The following ARHGAP26 variants were observed in gnomAD, a reference collection of about 807,000 sequenced individuals.
The protein encoded by ARHGAP26 is Rho GTPase activating protein 26.
ARHGAP26 carries 38 observed loss-of-function variants against 104.8 expected under a neutral mutation model. That is an observed-to-expected ratio of 0.36 (90% CI 0.28 to 0.48). ARHGAP26 has a LOEUF of 0.48. Ranked by LOEUF, ARHGAP26 falls within the 20% of genes least tolerant of loss-of-function variation. ARHGAP26 has a pLI of 0.99. For synonymous variants in ARHGAP26, 341 were observed against 340.0 expected (o/e 1.00, Z -0.03); for missense variants, 704 against 947.9 (o/e 0.74, Z 3.38).
chr5:143,137,853 T>G (rs1454383899), intron 19 of ARHGAP26, among the ~76,000 whole-genome samples: 1 of 152,238 alleles, frequency 6.6e-6, no homozygotes, highest in Non-Finnish European at 1.5e-5. Flanking sequence ...TGCAGTGTCC[T>G]TACTCTGTGC....
chr5:143,193,001 G>A (rs571392090), intron 20 of ARHGAP26, among the ~76,000 whole-genome samples: 2 of 152,122 alleles, frequency 1.3e-5, no homozygotes, highest in African/African-American at 4.8e-5. Context: ...GTTACTTATG[G>A]TCAATGACTG....
rs533706803 is a variant in ARHGAP26, at chr5:143,097,164, C to G, written c.1539-23824C>G. On this transcript the variant is annotated intron_variant, in intron 17 of 22. Coordinates refer to ENST00000645722, the MANE Select transcript of ARHGAP26 (RefSeq NM_001135608.3). ...GACCAGCCTGGCCGACATGGCGAAA[C>G]CCCGTCTCTACTAAAAATACAAAAA... is the stretch of plus-strand genomic sequence containing the variant. Among the ~76,000 whole-genome samples the G allele has an allele frequency of 9.2e-5, 14 of 152,008 alleles. No individual in the cohort carries two copies. In the South Asian group the frequency reaches 2.5e-3, roughly 27 times the overall value.
At chr5:143,166,024 C>G in intron 20 of ARHGAP26, 1 of 1,318,950 alleles carries the variant, frequency 7.6e-7, no homozygotes, top group Admixed American at 2.4e-5. Flanking sequence ...GCTCTTTTAA[C>G]AGGCACTGGG....
At chr5:143,176,478 GTTT>G (rs1431359362) in intron 20 of ARHGAP26, among the ~76,000 whole-genome samples, 1 of 152,170 alleles carries the variant, frequency 6.6e-6, no homozygotes, top group Non-Finnish European at 1.5e-5. Flanking sequence ...GTTTTCGAGA[GTTT>G]TTGTGTCCCT....
At chr5:143,072,479 A>G (rs1272063041) in intron 17 of ARHGAP26, among the ~76,000 whole-genome samples, 3 of 152,238 alleles carry the variant, frequency 2.0e-5, no homozygotes, top group Non-Finnish European at 2.9e-5. Context: ...ACTATTCATG[A>G]TAACCAAAAT....
At chr5:142,954,072 G>A (rs1233259262) in intron 11 of ARHGAP26, among the ~76,000 whole-genome samples, 1 of 152,176 alleles carries the variant, frequency 6.6e-6, no homozygotes, top group Admixed American at 6.5e-5. Flanking sequence ...GTTTTTAAGC[G>A]AGAGCTGTAC....
intron 14 of ARHGAP26, among the ~76,000 whole-genome samples, chr5:143,049,020 A>G (rs1008758135): frequency 1.3e-5 from 2 of 151,902 alleles, no homozygotes; most frequent in East Asian, 1.9e-4. Context: ...TTCCTCTAAT[A>G]CTTATCCACT....
intron 18 of ARHGAP26, among the ~76,000 whole-genome samples, chr5:143,128,694 T>C (rs1365683519): frequency 6.6e-6 from 1 of 152,232 alleles, no homozygotes; most frequent in Non-Finnish European, 1.5e-5. Context: ...TGAGCTGTGC[T>C]CAACTGTTGT....
At chr5:142,898,175 TACACACACACAC>T (rs10571226) in intron 6 of ARHGAP26, among the ~76,000 whole-genome samples, 1 of 149,720 alleles carries the variant, frequency 6.7e-6, no homozygotes, top group Non-Finnish European at 1.5e-5. Flanking sequence ...CACACACACA[TACACACACACAC>T]ACACATATAT....
At chr5:142,950,633 T>G (rs1290190896) in intron 11 of ARHGAP26, among the ~76,000 whole-genome samples, 1 of 152,204 alleles carries the variant, frequency 6.6e-6, no homozygotes, top group Non-Finnish European at 1.5e-5. Context: ...ATTTGAGTTA[T>G]TGACCCAGAA....
At chr5:142,877,313 T>G (rs1756272153) in intron 3 of ARHGAP26, among the ~76,000 whole-genome samples, 1 of 152,134 alleles carries the variant, frequency 6.6e-6, no homozygotes, top group Non-Finnish European at 1.5e-5. Flanking sequence ...ACTTCCTGGG[T>G]TATATGGCTA....
intron 18 of ARHGAP26, among the ~76,000 whole-genome samples, chr5:143,132,501 G>A (rs77949467): frequency 0.031 from 4,750 of 151,738 alleles, 101 homozygotes; most frequent in South Asian, 0.079. Flanking sequence ...ATATAGTGGG[G>A]GTGTTATGCA....
chr5:143,003,413 C>T (rs1259177130), intron 11 of ARHGAP26, among the ~76,000 whole-genome samples: 3 of 152,170 alleles, frequency 2.0e-5, no homozygotes, highest in East Asian at 3.8e-4. Context: ...AAGACCCAGA[C>T]GAAGGAATGC....
intron 20 of ARHGAP26, among the ~76,000 whole-genome samples, chr5:143,171,145 T>C (rs1802713022): frequency 6.6e-6 from 1 of 152,246 alleles, no homozygotes; most frequent in Non-Finnish European, 1.5e-5. Flanking sequence ...ATTGACCATC[T>C]GCTGTTGCCA....
chr5:143,226,255 G>T lies in ARHGAP26; in HGVS notation c.*3809G>T, dbSNP rs902889860. 1 of 177,438 alleles carries T rather than the reference G, an allele frequency of 5.6e-6. No individual in the cohort carries two copies. Among genetic ancestry groups the T allele is most frequent in the African/African-American group, 2.4e-5 (1 of 42,252 alleles). The allele number at this position is 177,438 out of a possible 1,614,324, so 11.0% of individuals were successfully genotyped here. A position where few individuals can be genotyped will look rare whatever the true frequency, so the allele number is the denominator to read the frequency against. ...CCAGCACTTTGGGAGGCCGAGGCGG[G>T]CGGATCACGAGGTCAGGAGATTGAG... On this transcript the variant is annotated 3_prime_UTR_variant, in exon 23 of 23. Coordinates refer to ENST00000645722, the MANE Select transcript of ARHGAP26 (RefSeq NM_001135608.3).
intron 5 of ARHGAP26, among the ~76,000 whole-genome samples, chr5:142,888,461 A>G (rs1758030334): frequency 6.6e-6 from 1 of 152,246 alleles, no homozygotes; most frequent in Non-Finnish European, 1.5e-5. Context: ...TGTTTTGCTC[A>G]AGGTGTTCAG....
Position 142,905,073 on chromosome 5 carries a change from G to A in ARHGAP26, c.832+1404G>A, listed in dbSNP as rs150475542. ...TATAAGAAATGTAGCTACTTCAGCTGTGTGTTTTGTATATGCCTGAATACA... is the reference window on the plus strand; with the variant it reads ...TATAAGAAATGTAGCTACTTCAGCTATGTGTTTTGTATATGCCTGAATACA... On this transcript the variant is annotated intron_variant, in intron 8 of 22. Coordinates refer to ENST00000645722, the MANE Select transcript of ARHGAP26 (RefSeq NM_001135608.3). 2.3e-3 allele frequency among the ~76,000 whole-genome samples: 356 copies of A among 152,262 alleles called. 4 individuals carry two copies. The highest frequency in any genetic ancestry group is 7.8e-3 in the African/African-American group (324 of 41,538).
intron 1 of ARHGAP26, among the ~76,000 whole-genome samples, chr5:142,861,908 A>G (rs1378760405): frequency 1.3e-5 from 2 of 152,182 alleles, no homozygotes; most frequent in African/African-American, 4.8e-5. Flanking sequence ...TTTACCCACC[A>G]TACCTTGTTT....
At chr5:142,791,886 C>T (rs1759899051) in intron 1 of ARHGAP26, among the ~76,000 whole-genome samples, 1 of 149,978 alleles carries the variant, frequency 6.7e-6, no homozygotes, top group Non-Finnish European at 1.5e-5. Flanking sequence ...ATCGCTTGAA[C>T]CCGGGAGGCG....
Sources: allele counts gnomAD v4.1 joint callset (sites outside exome capture counted in the v4.1 genomes callset), GRCh38; gene constraint gnomAD v4.1.1; transcripts MANE v1.5; gene names NCBI Gene and HGNC (gene_info 2026-07-23, HGNC 2026-07-21).